KCNMA1: variants seen among roughly 807,000 people sequenced by gnomAD.
KCNMA1 encodes the protein Calcium-activated potassium channel subunit alpha-1.
A neutral mutation model predicts 140.0 loss-of-function variants in KCNMA1; 29 were observed. The ratio of observed to expected loss-of-function variants is 0.21; its 90% CI spans 0.15 to 0.28. The LOEUF is 0.28. Ranked by LOEUF, KCNMA1 falls within the 10% of genes least tolerant of loss-of-function variation. The pLI is 1.00. For missense variants in KCNMA1, 880 were observed against 1,602.2 expected, an observed-to-expected ratio of 0.55 and a Z score of 7.70; for synonymous variants, 612 against 611.9, an observed-to-expected ratio of 1.00 and a Z score of 0.00.
chr10:77,367,575 AAATTT>A (rs1183235627), intron 2 of KCNMA1, among the ~76,000 whole-genome samples: 1 of 152,232 alleles, frequency 6.6e-6, no homozygotes, highest in Non-Finnish European at 1.5e-5. Flanking sequence ...ACTATACAGT[AAATTT>A]AATTTTTTAT....
intron 1 of KCNMA1, among the ~76,000 whole-genome samples, chr10:77,437,266 G>T (rs529336034): frequency 1.3e-5 from 2 of 152,250 alleles, no homozygotes; most frequent in South Asian, 2.1e-4. Flanking sequence ...AGGATGGAGG[G>T]TAAAGAAAAG....
chr10:77,448,667 T>C (rs934220807), intron 1 of KCNMA1, among the ~76,000 whole-genome samples: 6 of 152,264 alleles, frequency 3.9e-5, no homozygotes. Context: ...TTCTGTATTA[T>C]TTGAAATTTT....
intron 1 of KCNMA1, among the ~76,000 whole-genome samples, chr10:77,506,594 A>AGTGTGTGTGTGTGTGTGT (rs756755351): frequency 5.6e-5 from 5 of 88,650 alleles, no homozygotes; most frequent in African/African-American, 2.9e-4. Flanking sequence ...AGAGAGAGAG[A>AGTGTGTGTGTGTGTGTGT]GAGTGTGTGT....
intron 1 of KCNMA1, among the ~76,000 whole-genome samples, chr10:77,547,123 CA>C (rs1738613006): frequency 6.6e-6 from 1 of 152,152 alleles, no homozygotes; most frequent in Non-Finnish European, 1.5e-5. Context: ...ACTCCTCTGT[CA>C]AAATGAAAGA....
At chr10:77,364,445 C>T (rs1396397082) in intron 2 of KCNMA1, among the ~76,000 whole-genome samples, 1 of 150,896 alleles carries the variant, frequency 6.6e-6, no homozygotes, top group Non-Finnish European at 1.5e-5. Flanking sequence ...AGCAAAGCTC[C>T]ATCTCAAAAA....
intron 1 of KCNMA1, among the ~76,000 whole-genome samples, chr10:77,566,742 G>T (rs1284195102): frequency 6.6e-6 from 1 of 152,158 alleles, no homozygotes; most frequent in Non-Finnish European, 1.5e-5. Context: ...GTTCCGGGTG[G>T]AGGCAAGCCC....
chr10:77,501,756 C>T (rs1007133063), intron 1 of KCNMA1, among the ~76,000 whole-genome samples: 6 of 152,256 alleles, frequency 3.9e-5, no homozygotes, highest in African/African-American at 1.4e-4. Context: ...GTGGCCACTG[C>T]TACCCATGGT....
chr10:77,506,846 T>A (rs375477391), intron 1 of KCNMA1, among the ~76,000 whole-genome samples: 2,827 of 99,838 alleles, frequency 0.028, 98 homozygotes, highest in African/African-American at 0.094. Flanking sequence ...AGAGAGTGTG[T>A]GTGTGTGTGT....
chr10:77,283,038 G>A (rs537179643), intron 2 of KCNMA1, among the ~76,000 whole-genome samples: 1 of 152,242 alleles, frequency 6.6e-6, no homozygotes, highest in South Asian at 2.1e-4. Context: ...AAGAAGTTGT[G>A]GTGCCAACAT....
At chr10:77,433,236 T>C (rs2097188497) in intron 1 of KCNMA1, among the ~76,000 whole-genome samples, 1 of 152,172 alleles carries the variant, frequency 6.6e-6, no homozygotes, top group East Asian at 1.9e-4. Context: ...CACTGCAACA[T>C]CCACCTCCCG....
At chr10:77,605,424 A>G (rs548656706) in intron 1 of KCNMA1, among the ~76,000 whole-genome samples, 3 of 152,296 alleles carry the variant, frequency 2.0e-5, no homozygotes, top group African/African-American at 4.8e-5. Flanking sequence ...GAGTAACACA[A>G]CTAGGAAGTG....
rs188755116 is a variant in KCNMA1, at chr10:77,225,075, G to A, written c.602+26120C>T. ...TGTTTTATGAGTGAATGAATAAAGC[G>A]AATCCAGTTGGCAATGCTGGACTAT... On this transcript the variant is annotated intron_variant, in intron 3 of 27. Coordinates refer to ENST00000286628, the MANE Select transcript of KCNMA1 (RefSeq NM_001161352.2). Among the ~76,000 whole-genome samples the A allele has an allele frequency of 1.5e-3, 227 of 152,280 alleles. 3 individuals carry two copies. In the South Asian group the frequency reaches 0.023, roughly 15 times the overall value.
intron 19 of KCNMA1, chr10:76,980,376 T>C (rs546942138): frequency 1.3e-5 from 2 of 152,300 alleles, no homozygotes; most frequent in Admixed American, 6.5e-5. Flanking sequence ...AGTTACTCCA[T>C]ACCTCAATGT....
intron 1 of KCNMA1, among the ~76,000 whole-genome samples, chr10:77,571,066 G>T (rs1355987369): frequency 6.6e-6 from 1 of 152,030 alleles, no homozygotes; most frequent in African/African-American, 2.4e-5. Context: ...TTTATTTCTG[G>T]AAGTCCTATT....
chr10:76,975,576 G>A (rs189524212), intron 19 of KCNMA1, among the ~76,000 whole-genome samples: 32 of 152,314 alleles, frequency 2.1e-4, no homozygotes, highest in Admixed American at 1.8e-3. Context: ...GTCCATCGAC[G>A]AGGCTGAGCT....
intron 2 of KCNMA1, among the ~76,000 whole-genome samples, chr10:77,317,372 A>G (rs2081158972): frequency 6.6e-6 from 1 of 152,168 alleles, no homozygotes; most frequent in East Asian, 1.9e-4. Context: ...CATGCCTCTC[A>G]TTGATATTCT....
intron 18 of KCNMA1, among the ~76,000 whole-genome samples, chr10:77,002,508 G>C (rs970471286): frequency 6.6e-6 from 1 of 152,070 alleles, no homozygotes; most frequent in Non-Finnish European, 1.5e-5. Context: ...CGCCAAAATC[G>C]ATTAAAACTG....
At chr10:77,582,140 C>T (rs1463422758) in intron 1 of KCNMA1, among the ~76,000 whole-genome samples, 1 of 152,216 alleles carries the variant, frequency 6.6e-6, no homozygotes, top group African/African-American at 2.4e-5. Context: ...AGGGCAAAAG[C>T]AGAATCTGTC....
intron 1 of KCNMA1, among the ~76,000 whole-genome samples, chr10:77,601,742 C>T (rs1044787652): frequency 6.6e-6 from 1 of 152,160 alleles, no homozygotes; most frequent in African/African-American, 2.4e-5. Context: ...ACCAAGGCCA[C>T]TTTATTTGTC....
Sources: allele counts gnomAD v4.1 joint callset (sites outside exome capture counted in the v4.1 genomes callset), GRCh38; gene constraint gnomAD v4.1.1; transcripts MANE v1.5; gene names NCBI Gene and HGNC (gene_info 2026-07-23, HGNC 2026-07-21).